Variants in ACBD6 observed in about 807,000 individuals in gnomAD.
ACBD6 encodes the protein acyl-CoA binding domain containing 6.
In ACBD6, 28 loss-of-function variants were observed where a neutral mutation model predicts 37.2. That is an observed-to-expected ratio of 0.75 (90% confidence interval 0.56 to 1.03). The LOEUF (loss-of-function observed/expected upper bound fraction) is 1.03. Ranked by LOEUF, ACBD6 falls within the 50% of genes least tolerant of loss-of-function variation. The pLI is 0.00. For missense variants in ACBD6, 340 were observed against 337.4 expected (o/e 1.01, Z -0.06); for synonymous variants, 113 against 126.8 (o/e 0.89, Z 0.73).
At position 180,419,128 on chromosome 1, in the gene ACBD6, G is replaced by A. The variant is rs554106286; in HGVS notation, c.468-5657C>T. On this transcript the variant is annotated intron_variant, in intron 4 of 7. Coordinates refer to ENST00000367595, the MANE Select transcript of ACBD6 (RefSeq NM_032360.4). ...TAGCCAGGCATGGTGGTGGGCGCCT[G>A]TAGTCCCAGCTACTTGGGAGGCTGA... 3.3e-5 allele frequency among the ~76,000 whole-genome samples: 5 copies of A among 152,328 alleles called. No homozygotes were observed. The South Asian group carries it at 1.0e-3, about 32-fold the overall frequency.
intron 6 of ACBD6, among the ~76,000 whole-genome samples, chr1:180,394,290 A>G (rs1284833472): frequency 2.6e-5 from 4 of 151,750 alleles, no homozygotes; most frequent in Non-Finnish European, 5.9e-5. Flanking sequence ...GGGTCTCACT[A>G]TGTTGCCCAG....
intron 6 of ACBD6, among the ~76,000 whole-genome samples, chr1:180,367,072 T>C (rs1305876378): frequency 6.6e-6 from 1 of 152,202 alleles, no homozygotes; most frequent in Non-Finnish European, 1.5e-5. Context: ...AAGGATAAAA[T>C]GAGCTAATAC....
At chr1:180,435,039 G>A (rs1383651992) in intron 3 of ACBD6, 11 of 948,480 alleles carry the variant, frequency 1.2e-5, no homozygotes, top group South Asian at 8.9e-5. Flanking sequence ...ACTAGGCACC[G>A]AGATTACCGT....
At chr1:180,307,714 G>A (rs930227429) in intron 7 of ACBD6, among the ~76,000 whole-genome samples, 1 of 152,158 alleles carries the variant, frequency 6.6e-6, no homozygotes, top group African/African-American at 2.4e-5. Context: ...CAGCACTTTG[G>A]GAGGCCAAGG....
intron 6 of ACBD6, among the ~76,000 whole-genome samples, chr1:180,371,239 A>G (rs904230890): frequency 2.6e-5 from 4 of 152,122 alleles, no homozygotes; most frequent in African/African-American, 9.6e-5. Context: ...TTTACAAATA[A>G]CAAGTGCTCA....
At chr1:180,316,886 T>C (rs1317074399) in intron 6 of ACBD6, among the ~76,000 whole-genome samples, 1 of 152,158 alleles carries the variant, frequency 6.6e-6, no homozygotes, top group African/African-American at 2.4e-5. Context: ...ATGAGTACGC[T>C]GGAAAACAAT....
intron 3 of ACBD6, among the ~76,000 whole-genome samples, chr1:180,480,796 C>T (rs1247734179): frequency 6.6e-6 from 1 of 151,914 alleles, no homozygotes; most frequent in Non-Finnish European, 1.5e-5. Flanking sequence ...TTTGGGAGGC[C>T]GAGGTGGGTG....
At chr1:180,302,017 T>C (rs1264034645) in intron 7 of ACBD6, among the ~76,000 whole-genome samples, 1 of 151,458 alleles carries the variant, frequency 6.6e-6, no homozygotes, top group Non-Finnish European at 1.5e-5. Flanking sequence ...TGATAAATTT[T>C]AACTTTTTAT....
At chr1:180,354,229 T>C (rs1652534128) in intron 6 of ACBD6, among the ~76,000 whole-genome samples, 1 of 152,242 alleles carries the variant, frequency 6.6e-6, no homozygotes, top group Admixed American at 6.5e-5. Flanking sequence ...AATAGAATAC[T>C]GATGTCTTGT....
intron 3 of ACBD6, among the ~76,000 whole-genome samples, chr1:180,464,883 A>G (rs1650287408): frequency 6.6e-6 from 1 of 152,188 alleles, no homozygotes; most frequent in African/African-American, 2.4e-5. Context: ...ATAAGGCCTC[A>G]TATCTATGAC....
intron 6 of ACBD6, among the ~76,000 whole-genome samples, chr1:180,373,291 AG>A (rs1653326657): frequency 6.6e-6 from 1 of 152,206 alleles, no homozygotes; most frequent in African/African-American, 2.4e-5. Flanking sequence ...CAAAAATCAA[AG>A]TACTTGCCAT....
At position 180,314,710 on chromosome 1, in the gene ACBD6, G is replaced by T; in HGVS notation, c.676C>A (p.Gln226Lys). 1 of 1,532,026 alleles carries T rather than the reference G, an allele frequency of 6.5e-7. No homozygotes were observed. Among genetic ancestry groups the T allele is most frequent in the Non-Finnish European group, 9.0e-7 (1 of 1,107,806 alleles). 94.9% of individuals were successfully genotyped at this position (1,532,026 alleles called of 1,614,324 possible). ...TTCTTACCATAATGTAGAGCTGTTTGGCCTTCATTGTCCTATAAAAGAAAC... is the reference window on the plus strand; with the variant it reads ...TTCTTACCATAATGTAGAGCTGTTTTGCCTTCATTGTCCTATAAAAGAAAC... ...ADINCQDNEG[Q>K]TALHYASACE... The change falls in exon 7 of 8, where the codon CAA becomes AAA. Residue 226 changes from glutamine (Q) to lysine (K), a missense_variant. Gln to Lys is a moderately conservative substitution (Grantham distance 53). Coordinates refer to ENST00000367595, the MANE Select transcript of ACBD6 (RefSeq NM_032360.4).
chr1:180,374,090 C>T (rs887662149), intron 6 of ACBD6, among the ~76,000 whole-genome samples: 6 of 152,064 alleles, frequency 3.9e-5, no homozygotes, highest in African/African-American at 1.4e-4. Context: ...AAAGATATGC[C>T]ACAACATAAT....
intron 3 of ACBD6, among the ~76,000 whole-genome samples, chr1:180,433,587 TGTGTGTGTGTGTGTG>T (rs1648895999): frequency 2.1e-4 from 1 of 4,836 alleles, no homozygotes; most frequent in East Asian, 0.019. Context: ...TGTGTGTGTG[TGTGTGTGTGTGTGTG>T]TGTGTGTGTG....
At chr1:180,460,319 C>T (rs1398810823) in intron 3 of ACBD6, among the ~76,000 whole-genome samples, 2 of 152,064 alleles carry the variant, frequency 1.3e-5, no homozygotes, top group Admixed American at 6.5e-5. Flanking sequence ...GCCATCTTTG[C>T]TGTTTTAGCA....
chr1:180,446,057 C>T (rs1291961332), intron 3 of ACBD6, among the ~76,000 whole-genome samples: 1 of 152,044 alleles, frequency 6.6e-6, no homozygotes, highest in African/African-American at 2.4e-5. Flanking sequence ...GGCTGGAGTA[C>T]AGTGGGTGAT....
intron 9 of ACBD6, chr1:180,278,719 A>C (rs1649194213): frequency 6.6e-6 from 1 of 152,010 alleles, no homozygotes; most frequent in South Asian, 2.1e-4. Flanking sequence ...GCTTGCAATC[A>C]GACCTCAAAG....
intron 7 of ACBD6, among the ~76,000 whole-genome samples, chr1:180,302,087 A>ACC (rs1324465244): frequency 3.9e-5 from 6 of 152,006 alleles, no homozygotes; most frequent in South Asian, 2.1e-4. Flanking sequence ...CCTAATGTAA[A>ACC]TGATGAGTTA....
At chr1:180,288,004 T>G (rs1019384430), downstream of ACBD6, among the ~76,000 whole-genome samples, 19 of 152,230 alleles carry the variant, frequency 1.2e-4, no homozygotes, top group African/African-American at 4.6e-4. Context: ...TGCATGAAAC[T>G]TTCCCTAATG....
Sources: allele counts gnomAD v4.1 joint callset (sites outside exome capture counted in the v4.1 genomes callset), GRCh38; gene constraint gnomAD v4.1.1; transcripts MANE v1.5; gene names NCBI Gene and HGNC (gene_info 2026-07-23, HGNC 2026-07-21).